The following SSH2 variants were observed in gnomAD, a reference collection of about 807,000 sequenced individuals.
SSH2 encodes protein phosphatase Slingshot homolog 2.
In SSH2, 37 loss-of-function variants were observed where a neutral mutation model predicts 135.2. That is an observed-to-expected ratio of 0.27 (90% confidence interval 0.21 to 0.36). SSH2 has a LOEUF of 0.36. SSH2 is among the 10% of genes least tolerant of loss of function. SSH2 has a pLI of 1.00. For missense variants in SSH2, 1,408 were observed against 1,765.3 expected (o/e 0.80, Z 3.63); for synonymous variants, 628 against 646.2 (o/e 0.97, Z 0.43).
At chr17:29,882,509 T>TG (rs1353398084) in intron 1 of SSH2, among the ~76,000 whole-genome samples, 3 of 118,584 alleles carry the variant, frequency 2.5e-5, no homozygotes, top group East Asian at 6.2e-4. Context: ...CCCAGCACTT[T>TG]GGGGGAGGCC....
intron 1 of SSH2, among the ~76,000 whole-genome samples, chr17:29,926,618 T>C (rs2067071243): frequency 6.6e-6 from 1 of 151,300 alleles, no homozygotes; most frequent in Non-Finnish European, 1.5e-5. Context: ...CTCAGCAGAC[T>C]CTCCACTACC....
intron 3 of SSH2, among the ~76,000 whole-genome samples, chr17:29,747,583 A>G (rs1264463194): frequency 1.3e-5 from 2 of 152,220 alleles, no homozygotes; most frequent in Non-Finnish European, 2.9e-5. Flanking sequence ...TTCTTAGCAT[A>G]TTTCTTTAAG....
chr17:29,741,701 C>T (rs1387104870), intron 3 of SSH2, among the ~76,000 whole-genome samples: 3 of 150,836 alleles, frequency 2.0e-5, no homozygotes, highest in Non-Finnish European at 4.4e-5. Flanking sequence ...TTGCAACCTC[C>T]GCCTGCCAGT....
chr17:29,786,969 TTTC>T (rs2041978811), intron 3 of SSH2, among the ~76,000 whole-genome samples: 1 of 152,206 alleles, frequency 6.6e-6, no homozygotes, highest in African/African-American at 2.4e-5. Context: ...AAATACATTG[TTTC>T]TTAATTGTGG....
At chr17:29,910,535 A>G (rs1279283722) in intron 1 of SSH2, among the ~76,000 whole-genome samples, 1 of 152,212 alleles carries the variant, frequency 6.6e-6, no homozygotes, top group African/African-American at 2.4e-5. Flanking sequence ...TTATATACAT[A>G]ATACTTTTTG....
At chr17:29,742,722 C>T (rs1191121159) in intron 3 of SSH2, among the ~76,000 whole-genome samples, 2 of 151,880 alleles carry the variant, frequency 1.3e-5, no homozygotes, top group Admixed American at 1.3e-4. Context: ...GCAACCTCCG[C>T]CTCCCGGGTT....
At chr17:29,856,233 G>T in intron 1 of SSH2, 1 of 314,514 alleles carries the variant, frequency 3.2e-6, no homozygotes. Context: ...CAACTGCTTT[G>T]ATTTAGCAAT....
chr17:29,868,767 C>T (rs1326210941), intron 1 of SSH2, among the ~76,000 whole-genome samples: 4 of 151,504 alleles, frequency 2.6e-5, no homozygotes, highest in African/African-American at 9.7e-5. Context: ...CAGTTCCCAC[C>T]AGGAAATTCT....
At chr17:29,812,187 T>C (rs1018085854) in intron 2 of SSH2, among the ~76,000 whole-genome samples, 3 of 151,758 alleles carry the variant, frequency 2.0e-5, no homozygotes, top group Non-Finnish European at 4.4e-5. Context: ...TTAAGTCTTA[T>C]TGAGAAATAA....
intron 1 of SSH2, among the ~76,000 whole-genome samples, chr17:29,857,854 C>T (rs2151400894): frequency 6.6e-6 from 1 of 152,266 alleles, no homozygotes; most frequent in South Asian, 2.1e-4. Flanking sequence ...TTTTTCATCT[C>T]AAAAAACTGA....
intron 1 of SSH2, 64 bp downstream of exon 1, chr17:29,929,874 C>G: frequency 6.8e-7 from 1 of 1,473,470 alleles, no homozygotes; most frequent in Non-Finnish European, 9.2e-7. Flanking sequence ...TCGGCGGGAC[C>G]CGCTGAGGCA....
At chr17:29,643,174 A>G (rs1162637556) in intron 14 of SSH2, 1 of 985,310 alleles carries the variant, frequency 1.0e-6, no homozygotes, top group African/African-American at 1.7e-5. Context: ...TCTTCTAAGC[A>G]GGCAGATCTG....
At chr17:29,887,604 G>T (rs979945620) in intron 1 of SSH2, among the ~76,000 whole-genome samples, 3 of 152,136 alleles carry the variant, frequency 2.0e-5, no homozygotes, top group African/African-American at 7.2e-5. Context: ...TTCAGAGGGT[G>T]GTTGTCAGGA....
chr17:29,800,868 T>C (rs1291347549), intron 2 of SSH2, among the ~76,000 whole-genome samples: 1 of 150,266 alleles, frequency 6.7e-6, no homozygotes, highest in African/African-American at 2.5e-5. Flanking sequence ...TTTTCTTTTT[T>C]TTTTTCTTTT....
chr17:29,734,288 T>C (rs888463254), intron 3 of SSH2, among the ~76,000 whole-genome samples: 4 of 152,204 alleles, frequency 2.6e-5, no homozygotes, highest in African/African-American at 4.8e-5. Context: ...AGGCTTTCTA[T>C]GCCTTGAGAA....
rs189584638 is a variant in SSH2, at chr17:29,784,521, C to A, written c.188+9373G>T. On this transcript the variant is annotated intron_variant, in intron 3 of 15. Transcript: ENST00000540801. ...CTGAGACAGGAGAATCACTTGAATCCAGGAGGCGGAGGTTGCAGTGAGCCG... is the reference window on the plus strand; with the variant it reads ...CTGAGACAGGAGAATCACTTGAATCAAGGAGGCGGAGGTTGCAGTGAGCCG... Among the ~76,000 whole-genome samples, 438 of 151,366 alleles carry A rather than the reference C, an allele frequency of 2.9e-3. 3 individuals carry two copies. The highest frequency in any genetic ancestry group is 3.4e-3 in the Non-Finnish European group (231 of 67,866).
At position 29,636,682 on chromosome 17, in the gene SSH2, GTC is replaced by G; in HGVS notation, c.1546_1547del (p.Asp516ProfsTer4). On this transcript the variant is annotated frameshift_variant, in exon 15 of 16. Coordinates refer to ENST00000540801, the MANE Select transcript of SSH2 (RefSeq NM_001282129.2). LOFTEE classifies it high-confidence loss of function. Reference protein sequence around the residue: ...LNKKDITTSADQIAEVKTMES... With the variant: ...LNKKDITTSAXQIAEVKTMES... ...CCATGGTCTTCACCTCAGCAATCTG[GTC>G]TGCTGAGGTGGTGATATCCTTCTTG... The G allele has an allele frequency of 6.2e-7, 1 of 1,614,120 alleles. No individual in the cohort carries two copies. Among genetic ancestry groups the G allele is most frequent in the South Asian group, 1.1e-5 (1 of 91,080 alleles).
At chr17:29,688,853 C>T (rs539968599) in intron 5 of SSH2, among the ~76,000 whole-genome samples, 57 of 152,064 alleles carry the variant, frequency 3.7e-4, no homozygotes, top group Non-Finnish European at 7.5e-4. Flanking sequence ...AAACCCAAGA[C>T]TTTAATTAAA....
intron 2 of SSH2, among the ~76,000 whole-genome samples, chr17:29,820,443 G>A (rs532470067): frequency 6.6e-6 from 1 of 152,222 alleles, no homozygotes; most frequent in South Asian, 2.1e-4. Flanking sequence ...GCTAGCTGCT[G>A]GTATAAAACA....
Sources: gnomAD v4.1 joint callset for allele counts (sites outside exome capture counted in the v4.1 genomes callset) on GRCh38, gnomAD v4.1.1 for gene constraint, MANE v1.5 for transcripts, NCBI Gene and HGNC (gene_info 2026-07-23, HGNC 2026-07-21) for gene names.